SYNPO2: variants seen among roughly 807,000 people sequenced by gnomAD.
SYNPO2 encodes synaptopodin-2.
SYNPO2 carries 56 observed loss-of-function variants against 85.0 expected under a neutral mutation model. The ratio of observed to expected loss-of-function variants is 0.66; its 90% confidence interval spans 0.53 to 0.82. SYNPO2 has a LOEUF of 0.82. Among genes scored for constraint, SYNPO2 ranks in the 40% least tolerant of loss-of-function variants. SYNPO2 has a pLI of 0.00. For missense variants in SYNPO2, 1,575 were observed against 1,534.2 expected, an observed-to-expected ratio of 1.03 and a Z score of -0.44; for synonymous variants, 602 against 591.1, an observed-to-expected ratio of 1.02 and a Z score of -0.27.
chr4:118,950,125 A>G (rs563274940), intron 1 of SYNPO2, among the ~76,000 whole-genome samples: 6 of 152,280 alleles, frequency 3.9e-5, no homozygotes, highest in Admixed American at 2.6e-4. Context: ...CAATAATACT[A>G]TTTTTCTAAA....
At chr4:119,027,967 G>C (rs954425147) in intron 3 of SYNPO2, among the ~76,000 whole-genome samples, 3 of 152,180 alleles carry the variant, frequency 2.0e-5, no homozygotes, top group African/African-American at 7.2e-5. Flanking sequence ...ATACTGAGCA[G>C]TTACATGATC....
intron 1 of SYNPO2, among the ~76,000 whole-genome samples, chr4:119,009,423 T>A (rs574014660): frequency 1.2e-4 from 18 of 152,276 alleles, no homozygotes; most frequent in Non-Finnish European, 2.2e-4. Flanking sequence ...TCTTCTAGTC[T>A]CCTTGAAAAA....
intron 1 of SYNPO2, among the ~76,000 whole-genome samples, chr4:119,012,380 T>TC (rs1737347566): frequency 2.4e-5 from 3 of 124,724 alleles, no homozygotes; most frequent in Non-Finnish European, 5.2e-5. Context: ...CTTTTCTTTT[T>TC]TTTTTTTTTT....
At chr4:118,971,631 C>T (rs1735544453) in intron 1 of SYNPO2, among the ~76,000 whole-genome samples, 1 of 152,214 alleles carries the variant, frequency 6.6e-6, no homozygotes, top group Non-Finnish European at 1.5e-5. Flanking sequence ...CTAGCTGGGC[C>T]TGCTAGGGCA....
intron 1 of SYNPO2, among the ~76,000 whole-genome samples, chr4:119,007,033 G>A (rs181205924): frequency 1.4e-4 from 21 of 150,362 alleles, no homozygotes; most frequent in Non-Finnish European, 1.5e-5. Context: ...ATCACATTAG[G>A]CAATGTACTT....
At chr4:118,881,041 G>A (rs947083933) in intron 1 of SYNPO2, among the ~76,000 whole-genome samples, 2 of 152,136 alleles carry the variant, frequency 1.3e-5, no homozygotes, top group South Asian at 4.2e-4. Context: ...GGTGGCTCAT[G>A]CCTGTAATCC....
Position 119,031,956 on chromosome 4 carries a change from T to G in SYNPO2, c.3181T>G (p.Ser1061Ala). ...CATTCCCACCTCGCCAAAGCAAGAATCAGCCTCATCATCTTATTTTGTGGC... is the reference window on the plus strand; with the variant it reads ...CATTCCCACCTCGCCAAAGCAAGAAGCAGCCTCATCATCTTATTTTGTGGC... Reference protein sequence around the residue: ...VGIPTSPKQESASSSYFVAPR... With the variant: ...VGIPTSPKQEAASSSYFVAPR... The change falls in exon 4 of 5, where the codon TCA becomes GCA. Residue 1061 changes from serine (S) to alanine (A), a missense_variant. Physicochemically the swap from Ser to Ala is moderately conservative, Grantham distance 99. This residue lies in a region of SYNPO2 where 1,508 missense variants were observed against 1,446.8 expected (regional missense o/e 1.04). Coordinates refer to ENST00000307142, the MANE Select transcript of SYNPO2 (RefSeq NM_133477.3). The G allele has an allele frequency of 6.2e-7, 1 of 1,614,242 alleles. No individual in the cohort carries two copies.
intron 1 of SYNPO2, among the ~76,000 whole-genome samples, chr4:118,997,124 C>T (rs1425497569): frequency 1.6e-4 from 24 of 148,508 alleles, no homozygotes; most frequent in African/African-American, 5.9e-4. Flanking sequence ...CCTGTAGTCC[C>T]AGCTACTTGG....
At chr4:119,020,555 T>C (rs1319731738) in intron 1 of SYNPO2, among the ~76,000 whole-genome samples, 2 of 152,172 alleles carry the variant, frequency 1.3e-5, no homozygotes, top group Admixed American at 6.5e-5. Context: ...TCATGGCTAA[T>C]AAACAGAACT....
At chr4:118,880,796 A>G (rs1363817063) in intron 1 of SYNPO2, among the ~76,000 whole-genome samples, 1 of 152,010 alleles carries the variant, frequency 6.6e-6, no homozygotes, top group Non-Finnish European at 1.5e-5. Context: ...TTTTATTTTC[A>G]GTAATTCATT....
chr4:119,035,131 C>T (rs1360104575), intron 4 of SYNPO2: 5 of 985,304 alleles, frequency 5.1e-6, no homozygotes, highest in Non-Finnish European at 6.0e-6. Flanking sequence ...TAAATACAGG[C>T]ACTGGAATAT....
At chr4:118,877,604 A>G (rs563323628) in intron 1 of SYNPO2, among the ~76,000 whole-genome samples, 1 of 152,224 alleles carries the variant, frequency 6.6e-6, no homozygotes, top group African/African-American at 2.4e-5. Context: ...ATATGAAAAG[A>G]AGATCAACAT....
chr4:119,034,490 C>G, intron 4 of SYNPO2: 1 of 985,418 alleles, frequency 1.0e-6, no homozygotes, highest in Non-Finnish European at 1.2e-6. Context: ...ACTATGCCTT[C>G]TGGTCATCCT....
intron 3 of SYNPO2, among the ~76,000 whole-genome samples, chr4:119,027,962 G>A (rs1194606077): frequency 1.3e-5 from 2 of 152,224 alleles, no homozygotes; most frequent in South Asian, 4.2e-4. Flanking sequence ...TGTGTATACT[G>A]AGCAGTTACA....
chr4:118,952,606 A>G (rs1447372206), intron 1 of SYNPO2, among the ~76,000 whole-genome samples: 1 of 152,156 alleles, frequency 6.6e-6, no homozygotes, highest in Non-Finnish European at 1.5e-5. Flanking sequence ...ATTGGTAAAA[A>G]TATCAGAAAT....
Position 118,880,746 on chromosome 4 carries a change from C to CAAA in SYNPO2, c.12+29822_12+29824dup, listed in dbSNP as rs11348298. Among the ~76,000 whole-genome samples, 1,097 of 131,808 alleles carry CAAA rather than the reference C, an allele frequency of 8.3e-3. 20 individuals carry two copies. Among genetic ancestry groups the CAAA allele is most frequent in the African/African-American group, 0.032 (1,042 of 32,804 alleles). 86.5% of individuals were successfully genotyped at this position (131,808 alleles called of 152,430 possible). ...TGGGCGACAGAGCGAGACTCTGTCCCAAAAAAAAAAAAAAAAAATTATGCA... is the reference window on the plus strand; with the variant it reads ...TGGGCGACAGAGCGAGACTCTGTCCCAAAAAAAAAAAAAAAAAAAAATTATGCA... On this transcript the variant is annotated intron_variant, in intron 1 of 4. Coordinates refer to the SYNPO2 transcript ENST00000610556.
chr4:118,970,898 T>A (rs1338614402), intron 1 of SYNPO2, among the ~76,000 whole-genome samples: 1 of 152,202 alleles, frequency 6.6e-6, no homozygotes, highest in Non-Finnish European at 1.5e-5. Context: ...ATCACTTTAG[T>A]TTTTCTCAGA....
In SYNPO2 at chr4:118,965,143, C is replaced by T. The variant is rs77945758; in HGVS notation, c.106-58287C>T. Among the ~76,000 whole-genome samples the T allele has an allele frequency of 4.2e-3, 641 of 152,294 alleles. 9 individuals carry two copies. Among genetic ancestry groups the T allele is most frequent in the African/African-American group, 0.013 (552 of 41,556 alleles). On this transcript the variant is annotated intron_variant, in intron 1 of 4. Transcript: ENST00000307142. ...CATCTATTCTCCCTCCCCTACACCA[C>T]ACACAAAGCAATCATAAAAACCAAG...
intron 1 of SYNPO2, among the ~76,000 whole-genome samples, chr4:118,926,047 A>G (rs1313899245): frequency 6.6e-6 from 1 of 152,186 alleles, no homozygotes; most frequent in Non-Finnish European, 1.5e-5. Context: ...CACCAGGCAG[A>G]TGAGTAGGAG....
Sources: gnomAD v4.1 joint callset for allele counts (sites outside exome capture counted in the v4.1 genomes callset) on GRCh38, gnomAD v4.1.1 for gene constraint, gnomAD v4.1.1 regional missense constraint, MANE v1.5 for transcripts, NCBI Gene and HGNC (gene_info 2026-07-23, HGNC 2026-07-21) for gene names.